The following ARB2A variants were observed in gnomAD, a reference collection of about 807,000 sequenced individuals.
The protein encoded by ARB2A is cotranscriptional regulator ARB2A.
At chr5:93,975,249 G>A in the ARB2A span, among the ~76,000 whole-genome samples, 28 of 150,392 alleles carry the variant, frequency 1.9e-4, no homozygotes, top group East Asian at 5.8e-4. Flanking sequence ...CCCGGGAGGC[G>A]GAGCTTGCAG....
the ARB2A span, among the ~76,000 whole-genome samples, chr5:93,959,906 C>T: frequency 6.6e-6 from 1 of 151,994 alleles, no homozygotes; most frequent in South Asian, 2.1e-4. Context: ...TGGCGAGTGA[C>T]TGGAAATGGA....
the ARB2A span, among the ~76,000 whole-genome samples, chr5:93,653,016 T>C: frequency 6.6e-6 from 1 of 152,190 alleles, no homozygotes; most frequent in East Asian, 1.9e-4. Flanking sequence ...CTGTGCAAGT[T>C]ATTTAATCTC....
At chr5:93,807,987 C>T in the ARB2A span, among the ~76,000 whole-genome samples, 1 of 151,970 alleles carries the variant, frequency 6.6e-6, no homozygotes, top group African/African-American at 2.4e-5. Flanking sequence ...AATGCAAGAA[C>T]ACATCAGGCT....
chr5:93,946,351 C>T, the ARB2A span, among the ~76,000 whole-genome samples: 1 of 151,916 alleles, frequency 6.6e-6, no homozygotes, highest in African/African-American at 2.4e-5. Flanking sequence ...AGAGGAAGAA[C>T]ATGAAACTAT....
the ARB2A span, among the ~76,000 whole-genome samples, chr5:93,817,817 T>C: frequency 6.6e-6 from 1 of 151,990 alleles, no homozygotes. Flanking sequence ...AAAAACTAGC[T>C]TAAATGACAA....
At chr5:94,063,791 C>A in the ARB2A span, among the ~76,000 whole-genome samples, 1 of 152,120 alleles carries the variant, frequency 6.6e-6, no homozygotes, top group African/African-American at 2.4e-5. Flanking sequence ...TGACTGCACA[C>A]ACCCAGAATC....
the ARB2A span, chr5:93,866,253 T>G: frequency 1.0e-6 from 1 of 984,676 alleles, no homozygotes; most frequent in Non-Finnish European, 1.2e-6. Context: ...ACATTAGAAG[T>G]GAATGAAGTA....
At chr5:93,631,171 C>T in the ARB2A span, among the ~76,000 whole-genome samples, 2 of 152,228 alleles carry the variant, frequency 1.3e-5, no homozygotes, top group East Asian at 1.9e-4. Context: ...AGGCATGAGC[C>T]ACCATGCCAG....
At chr5:93,921,980 A>G in the ARB2A span, among the ~76,000 whole-genome samples, 1 of 152,258 alleles carries the variant, frequency 6.6e-6, no homozygotes, top group African/African-American at 2.4e-5. Flanking sequence ...TTGCCCCCAA[A>G]TAAAACATCT....
chr5:93,994,565 C>A, the ARB2A span, among the ~76,000 whole-genome samples: 1 of 151,906 alleles, frequency 6.6e-6, no homozygotes, highest in African/African-American at 2.4e-5. Flanking sequence ...GACCCTTGAA[C>A]AACACAATTT....
At chr5:93,642,169 G>C in the ARB2A span, among the ~76,000 whole-genome samples, 1 of 151,012 alleles carries the variant, frequency 6.6e-6, no homozygotes, top group East Asian at 1.9e-4. Context: ...TTTTTGTAGA[G>C]ACAGAGTCTC....
At chr5:93,907,051 AC>A in the ARB2A span, among the ~76,000 whole-genome samples, 2 of 151,432 alleles carry the variant, frequency 1.3e-5, no homozygotes, top group Non-Finnish European at 3.0e-5. Context: ...TGTAAGGGTA[AC>A]CTCAAATTTA....
chr5:93,685,428 A>G, the ARB2A span, among the ~76,000 whole-genome samples: 1 of 152,218 alleles, frequency 6.6e-6, no homozygotes, highest in Non-Finnish European at 1.5e-5. Context: ...ACTTGTTTAC[A>G]TTCTTTGTAC....
At chr5:93,693,031 T>C in the ARB2A span, among the ~76,000 whole-genome samples, 1 of 152,110 alleles carries the variant, frequency 6.6e-6, no homozygotes, top group African/African-American at 2.4e-5. Flanking sequence ...TGTACCAGAA[T>C]CTCTGGGACA....
the ARB2A span, among the ~76,000 whole-genome samples, chr5:93,903,378 A>C: frequency 6.6e-6 from 1 of 152,228 alleles, no homozygotes; most frequent in South Asian, 2.1e-4. Flanking sequence ...CAATAACAAC[A>C]ACAAAGTAAA....
At chr5:93,842,706 GGACA>G in the ARB2A span, among the ~76,000 whole-genome samples, 2 of 152,184 alleles carry the variant, frequency 1.3e-5, no homozygotes, top group South Asian at 4.2e-4. Context: ...CAAAGCATAG[GGACA>G]GGATTCCAGG....
the ARB2A span, among the ~76,000 whole-genome samples, chr5:93,682,233 A>G: frequency 1.5e-5 from 2 of 137,846 alleles, no homozygotes; most frequent in African/African-American, 5.6e-5. Flanking sequence ...TTTAGGATAC[A>G]GTCTAACTTA....
the ARB2A span, among the ~76,000 whole-genome samples, chr5:93,816,393 A>G: frequency 2.6e-5 from 4 of 152,224 alleles, no homozygotes; most frequent in African/African-American, 9.6e-5. Flanking sequence ...TATAATACCA[A>G]TGGAAAAAAG....
the ARB2A span, among the ~76,000 whole-genome samples, chr5:93,956,627 T>C: frequency 6.6e-6 from 1 of 151,604 alleles, no homozygotes. Context: ...TAAATAAAAC[T>C]TTAGAAAAAG....
Sources: allele counts gnomAD v4.1 joint callset (sites outside exome capture counted in the v4.1 genomes callset), GRCh38; gene constraint gnomAD v4.1.1; transcripts MANE v1.5; gene names NCBI Gene and HGNC (gene_info 2026-07-23, HGNC 2026-07-21).